Variants in TSHZ2 observed in about 807,000 individuals in gnomAD.
TSHZ2 encodes the protein teashirt homolog 2.
In TSHZ2, 21 loss-of-function variants were observed where a neutral mutation model predicts 74.4. The ratio of observed to expected loss-of-function variants is 0.28; its 90% CI spans 0.20 to 0.41. The LOEUF is 0.41. Among genes scored for constraint, TSHZ2 ranks in the 10% least tolerant of loss-of-function variants. TSHZ2 has a pLI of 1.00. For missense variants in TSHZ2, 1,244 were observed against 1,293.5 expected (o/e 0.96, Z 0.59); for synonymous variants, 540 against 515.3 (o/e 1.05, Z -0.65).
At chr20:53,343,740 G>A (rs1389048685) in intron 2 of TSHZ2, among the ~76,000 whole-genome samples, 3 of 152,206 alleles carry the variant, frequency 2.0e-5, no homozygotes, top group South Asian at 4.1e-4. Flanking sequence ...TCGCCACGAG[G>A]TGAGGCAGTT....
intron 1 of TSHZ2, among the ~76,000 whole-genome samples, chr20:53,242,256 G>C (rs1298372192): frequency 6.6e-6 from 1 of 152,034 alleles, no homozygotes; most frequent in Non-Finnish European, 1.5e-5. Context: ...CGCTTCTCTA[G>C]GTATAGCAAC....
intron 1 of TSHZ2, among the ~76,000 whole-genome samples, chr20:53,089,332 T>G (rs1038333492): frequency 1.6e-5 from 2 of 127,168 alleles, no homozygotes; most frequent in Non-Finnish European, 3.4e-5. Context: ...TTTTTTTTTT[T>G]TTTTTTTTTA....
Position 53,488,013 on chromosome 20 carries a change from G to A in TSHZ2, c.*878G>A, listed in dbSNP as rs1986341115. On this transcript the variant is annotated 3_prime_UTR_variant, in exon 3 of 3. Transcript: ENST00000371497. ...CGCGAGAAGATGAGATCATTACAGG[G>A]TGGAAAGTTCTGCAGCAGCCTTTTC... is the stretch of plus-strand genomic sequence containing the variant. 6.6e-6 allele frequency: 1 copy of A among 152,192 alleles called. No homozygotes were observed. The highest frequency in any genetic ancestry group is 6.5e-5 in the Admixed American group (1 of 15,276). The allele number at this position is 152,192 out of a possible 1,614,324, so 9.4% of individuals were successfully genotyped here.
chr20:53,445,304 C>T (rs887909875), intron 2 of TSHZ2, among the ~76,000 whole-genome samples: 4 of 152,220 alleles, frequency 2.6e-5, no homozygotes, highest in South Asian at 4.1e-4. Context: ...GTAAATATAA[C>T]GATAGAAAAG....
intron 2 of TSHZ2, among the ~76,000 whole-genome samples, chr20:53,418,745 C>CA (rs929810640): frequency 1.3e-5 from 2 of 152,088 alleles, no homozygotes; most frequent in Non-Finnish European, 2.9e-5. Context: ...GAGTCCATGC[C>CA]AAAAGTTAGA....
intron 1 of TSHZ2, among the ~76,000 whole-genome samples, chr20:53,191,595 G>A (rs1380993182): frequency 3.3e-5 from 5 of 152,198 alleles, no homozygotes; most frequent in Admixed American, 6.5e-5. Context: ...CCCAGGAGGC[G>A]GAGGCTGCAG....
intron 1 of TSHZ2, among the ~76,000 whole-genome samples, chr20:52,981,443 T>C (rs1175378995): frequency 2.0e-5 from 3 of 152,188 alleles, no homozygotes; most frequent in Non-Finnish European, 4.4e-5. Context: ...AAGGATTGTG[T>C]CAGAGGAGGG....
Position 53,045,994 on chromosome 20 carries a change from G to A in TSHZ2, c.40+72661G>A, listed in dbSNP as rs1179920674. On this transcript the variant is annotated intron_variant, in intron 1 of 2. Coordinates refer to ENST00000371497, the MANE Select transcript of TSHZ2 (RefSeq NM_173485.6). ...TCCTGTCTTATAAATCAAAAGGGTC[G>A]GCTCAGAAGCTTTCTGAGGTCCTTT... 2.6e-5 allele frequency among the ~76,000 whole-genome samples: 4 copies of A among 152,020 alleles called. No homozygotes were observed. In the South Asian group the frequency reaches 6.2e-4, roughly 24 times the overall value.
At chr20:53,455,500 A>C (rs1272887090) in intron 2 of TSHZ2, 2 of 152,204 alleles carry the variant, frequency 1.3e-5, no homozygotes, top group Non-Finnish European at 2.9e-5. Flanking sequence ...TCTAGTGGTC[A>C]TCGGGCATTA....
At chr20:53,327,084 T>C (rs1979524809) in intron 2 of TSHZ2, among the ~76,000 whole-genome samples, 1 of 152,336 alleles carries the variant, frequency 6.6e-6, no homozygotes, top group South Asian at 2.1e-4. Flanking sequence ...AGGACATAGA[T>C]GAGAGTGCTT....
Position 53,495,021 on chromosome 20 carries a change from T to A in TSHZ2, c.*7886T>A, listed in dbSNP as rs1156401862. 3 of 152,040 alleles carry A rather than the reference T, an allele frequency of 2.0e-5. No individual in the cohort carries two copies. Among genetic ancestry groups the A allele is most frequent in the Non-Finnish European group, 4.4e-5 (3 of 68,008 alleles). 9.4% of individuals were successfully genotyped at this position (152,040 alleles called of 1,614,324 possible). On this transcript the variant is annotated 3_prime_UTR_variant, in exon 3 of 3. Transcript: ENST00000371497. ...TAATGCTGCAGCTATTGAACCACCTTCCTGAAACCTAGCTGATACGGAATA... is the reference window on the plus strand; with the variant it reads ...TAATGCTGCAGCTATTGAACCACCTACCTGAAACCTAGCTGATACGGAATA...
chr20:53,382,005 A>G (rs746259871), intron 2 of TSHZ2, among the ~76,000 whole-genome samples: 4 of 152,180 alleles, frequency 2.6e-5, no homozygotes, highest in Non-Finnish European at 5.9e-5. Context: ...TTCTAAACCT[A>G]TGAAAATGGA....
Position 53,069,453 on chromosome 20 carries a change from A to C in TSHZ2, c.40+96120A>C, listed in dbSNP as rs181315770. 1.2e-4 allele frequency among the ~76,000 whole-genome samples: 19 copies of C among 152,238 alleles called. No individual in the cohort carries two copies. The East Asian group carries it at 3.7e-3, about 29-fold the overall frequency. ...TTATCCTATTATCTTCCTTCCTGAAAGAAAAAAATATCGAGGTTTTACTTT... is the reference window on the plus strand; with the variant it reads ...TTATCCTATTATCTTCCTTCCTGAACGAAAAAAATATCGAGGTTTTACTTT... On this transcript the variant is annotated intron_variant, in intron 1 of 2. Coordinates refer to ENST00000371497, the MANE Select transcript of TSHZ2 (RefSeq NM_173485.6).
chr20:53,391,151 T>TTTTGTTTTGTTTTGG (rs1262456604), intron 2 of TSHZ2, among the ~76,000 whole-genome samples: 110 of 151,054 alleles, frequency 7.3e-4, no homozygotes, highest in African/African-American at 2.3e-3. Context: ...TTTTGTTTTG[T>TTTTGTTTTGTTTTGG]TTTGGTTTGG....
At chr20:53,142,981 AC>A (rs1987444091) in intron 1 of TSHZ2, among the ~76,000 whole-genome samples, 1 of 152,130 alleles carries the variant, frequency 6.6e-6, no homozygotes, top group Non-Finnish European at 1.5e-5. Context: ...GCATTGAGTA[AC>A]TTTGCTTAAT....
At chr20:53,076,418 C>T (rs1985365098) in intron 1 of TSHZ2, among the ~76,000 whole-genome samples, 1 of 152,210 alleles carries the variant, frequency 6.6e-6, no homozygotes. Context: ...GTGTGCCAGG[C>T]ACTGGATGAA....
chr20:53,339,389 A>G (rs1270935566), intron 2 of TSHZ2, among the ~76,000 whole-genome samples: 1 of 152,120 alleles, frequency 6.6e-6, no homozygotes, highest in Non-Finnish European at 1.5e-5. Context: ...TCTGGTGGTC[A>G]AGGGCCAGGG....
intron 1 of TSHZ2, among the ~76,000 whole-genome samples, chr20:52,976,317 G>A (rs1216385241): frequency 1.3e-5 from 2 of 152,084 alleles, no homozygotes; most frequent in African/African-American, 4.8e-5. Flanking sequence ...ATTCTTCCTG[G>A]CTTTCTTAAG....
intron 1 of TSHZ2, among the ~76,000 whole-genome samples, chr20:53,031,363 C>A (rs753226396): frequency 3.3e-5 from 5 of 152,092 alleles, no homozygotes; most frequent in African/African-American, 9.7e-5. Flanking sequence ...CCTCCTCTGT[C>A]TTTGTCAATA....
Sources: gnomAD v4.1 joint callset for allele counts (sites outside exome capture counted in the v4.1 genomes callset) on GRCh38, gnomAD v4.1.1 for gene constraint, MANE v1.5 for transcripts, NCBI Gene and HGNC (gene_info 2026-07-23, HGNC 2026-07-21) for gene names.